CLPB: variants seen among roughly 807,000 people sequenced by gnomAD.
CLPB encodes the protein mitochondrial disaggregase.
CLPB carries 40 observed loss-of-function variants against 78.4 expected under a neutral mutation model. That is an observed-to-expected ratio of 0.51 (90% CI 0.40 to 0.66). The LOEUF (loss-of-function observed/expected upper bound fraction) is 0.66, where lower values mean the gene tolerates loss of function less well. Among genes scored for constraint, CLPB ranks in the 30% least tolerant of loss-of-function variants. CLPB has a pLI of 0.00. For missense variants in CLPB, 780 were observed against 886.9 expected, an observed-to-expected ratio of 0.88 and a Z score of 1.53; for synonymous variants, 333 against 348.0, an observed-to-expected ratio of 0.96 and a Z score of 0.48.
intron 3 of CLPB, among the ~76,000 whole-genome samples, chr11:72,393,442 C>G (rs1336237938): frequency 6.6e-6 from 1 of 152,194 alleles, no homozygotes; most frequent in Non-Finnish European, 1.5e-5. Flanking sequence ...GCATTTTAAT[C>G]TTTGCAACCA....
chr11:72,326,769 G>A (rs1007168747), intron 6 of CLPB, among the ~76,000 whole-genome samples: 3 of 152,160 alleles, frequency 2.0e-5, no homozygotes, highest in African/African-American at 7.2e-5. Flanking sequence ...TACTGGCAGA[G>A]GGAGAAGAAA....
At chr11:72,306,277 A>G (rs61036532) in intron 9 of CLPB, among the ~76,000 whole-genome samples, 26,878 of 152,136 alleles carry the variant, frequency 0.18, 3,817 homozygotes, top group African/African-American at 0.4. Flanking sequence ...GGGGCAGGCA[A>G]GCCAGAAAGA....
intron 2 of CLPB, among the ~76,000 whole-genome samples, chr11:72,425,117 C>T (rs1042609425): frequency 2.0e-5 from 3 of 152,144 alleles, no homozygotes; most frequent in African/African-American, 7.2e-5. Flanking sequence ...CCTTTAAAAA[C>T]ACACTTGCAA....
intron 6 of CLPB, among the ~76,000 whole-genome samples, chr11:72,321,951 G>A (rs573575743): frequency 6.6e-6 from 1 of 151,516 alleles, no homozygotes. Context: ...GGAACAAGGG[G>A]GTAACAGATG....
intron 2 of CLPB, among the ~76,000 whole-genome samples, chr11:72,419,706 C>A (rs1856131693): frequency 6.6e-6 from 1 of 152,172 alleles, no homozygotes. Flanking sequence ...CAACCTTTTC[C>A]ACCTAGATAA....
In CLPB at chr11:72,287,658, T is replaced by A. The variant is rs567690616; in HGVS notation, c.*5709A>T. ...ATAAAATTTTATTTATTTTTCACCA[T>A]CTTATGGTGCTCAAAAAGGATAAAA... is the stretch of plus-strand genomic sequence containing the variant. On this transcript the variant is annotated 3_prime_UTR_variant, in exon 16 of 16. Coordinates refer to ENST00000538039, the MANE Select transcript of CLPB (RefSeq NM_001258392.3). The A allele has an allele frequency of 6.6e-6, 1 of 152,328 alleles. No individual in the cohort carries two copies. The highest frequency in any genetic ancestry group is 1.5e-5 in the Non-Finnish European group (1 of 68,030). 9.4% of individuals were successfully genotyped at this position (152,328 alleles called of 1,614,324 possible). A position where few individuals can be genotyped will look rare whatever the true frequency, so the allele number is the denominator to read the frequency against.
chr11:72,373,108 T>G, intron 4 of CLPB: 1 of 1,041,336 alleles, frequency 9.6e-7, no homozygotes, highest in Non-Finnish European at 1.5e-6. Context: ...GGTGGGGTTG[T>G]TCCAAGCCCT....
At chr11:72,356,227 G>A (rs549927922) in intron 5 of CLPB, among the ~76,000 whole-genome samples, 4 of 150,860 alleles carry the variant, frequency 2.7e-5, no homozygotes, top group East Asian at 1.9e-4. Context: ...GTGGCAAGCC[G>A]AGATCGCGCC....
At chr11:72,368,291 T>G (rs753151612) in intron 4 of CLPB, among the ~76,000 whole-genome samples, 1 of 152,246 alleles carries the variant, frequency 6.6e-6, no homozygotes, top group Non-Finnish European at 1.5e-5. Context: ...ACTCACTATG[T>G]GCCCAGGTAC....
chr11:72,340,394 C>T (rs765138477), intron 5 of CLPB, among the ~76,000 whole-genome samples: 23 of 152,060 alleles, frequency 1.5e-4, no homozygotes, highest in Admixed American at 9.8e-4. Context: ...CAGGAGGGAT[C>T]GATACGGAAT....
At chr11:72,378,570 A>G (rs1034006315) in intron 4 of CLPB, among the ~76,000 whole-genome samples, 9 of 152,206 alleles carry the variant, frequency 5.9e-5, no homozygotes, top group Non-Finnish European at 1.2e-4. Context: ...ACACGTGGGA[A>G]TTCTGGGAGA....
chr11:72,344,090 T>C (rs1254194465), intron 5 of CLPB, among the ~76,000 whole-genome samples: 4 of 152,202 alleles, frequency 2.6e-5, no homozygotes, highest in East Asian at 1.9e-4. Flanking sequence ...GAAGTTGTGC[T>C]GAGAGGTAGG....
chr11:72,382,912 T>C (rs563530815), intron 3 of CLPB, among the ~76,000 whole-genome samples: 1 of 143,486 alleles, frequency 7.0e-6, no homozygotes, highest in Non-Finnish European at 1.6e-5. Flanking sequence ...TAAAAATAAT[T>C]GTTTTAAGAA....
At chr11:72,388,026 T>G (rs1590881458) in intron 3 of CLPB, among the ~76,000 whole-genome samples, 1 of 152,094 alleles carries the variant, frequency 6.6e-6, no homozygotes, top group Admixed American at 6.6e-5. Flanking sequence ...CTGTCCAATT[T>G]GCAGGCTGTA....
chr11:72,348,472 T>C (rs1326611206), intron 5 of CLPB, among the ~76,000 whole-genome samples: 1 of 152,242 alleles, frequency 6.6e-6, no homozygotes, highest in Admixed American at 6.5e-5. Flanking sequence ...TTCTGGCTCC[T>C]GGCTCCTGTG....
intron 2 of CLPB, among the ~76,000 whole-genome samples, chr11:72,419,854 C>T (rs967221313): frequency 1.3e-5 from 2 of 152,292 alleles, no homozygotes; most frequent in Middle Eastern, 3.4e-3. Context: ...GTAGGATTCA[C>T]GTCTGACAAG....
At chr11:72,293,748 GGGGCTAA>G in intron 15 of CLPB, 133 bp from the exon 16 acceptor site, 1 of 1,148,046 alleles carries the variant, frequency 8.7e-7, no homozygotes. Context: ...TTTGCCAATT[GGGGCTAA>G]TAACAGCTAG....
chr11:72,432,050 A>G (rs1242929746), intron 1 of CLPB, among the ~76,000 whole-genome samples: 1 of 152,178 alleles, frequency 6.6e-6, no homozygotes, highest in South Asian at 2.1e-4. Context: ...CACTGCCTAC[A>G]GAAGAAATTC....
chr11:72,297,889 G>A (rs1365079610), intron 11 of CLPB, among the ~76,000 whole-genome samples: 2 of 152,140 alleles, frequency 1.3e-5, no homozygotes, highest in Non-Finnish European at 2.9e-5. Flanking sequence ...TGGGTGAGGG[G>A]AGCAGGTGCA....
Sources: allele counts gnomAD v4.1 joint callset (sites outside exome capture counted in the v4.1 genomes callset), GRCh38; gene constraint gnomAD v4.1.1; transcripts MANE v1.5; gene names NCBI Gene and HGNC (gene_info 2026-07-23, HGNC 2026-07-21).